Variants in WDR17 observed in about 807,000 individuals in gnomAD.
WDR17 encodes WD repeat-containing protein 17.
Under a neutral mutation model 161.7 loss-of-function variants are expected in WDR17, and 143 were observed. That is an observed-to-expected ratio of 0.88 (90% CI 0.77 to 1.02). The LOEUF is 1.02. WDR17 is among the 50% of genes least tolerant of loss of function. The probability of loss-of-function intolerance (pLI) is 0.00; values close to 1 mark genes in which losing one functional copy is unlikely to be tolerated. For missense variants in WDR17, 1,469 were observed against 1,520.9 expected (o/e 0.97, Z 0.57); for synonymous variants, 517 against 515.6 (o/e 1.00, Z -0.04).
At chr4:176,135,437 A>G (rs1441456075) in intron 8 of WDR17, 161 bp downstream of exon 8, 1 of 799,114 alleles carries the variant, frequency 1.3e-6, no homozygotes, top group Non-Finnish European at 2.0e-6. Flanking sequence ...GCGAGGTTTA[A>G]GAAGAGTCTA....
In WDR17 at chr4:176,150,191, T is replaced by G. The variant is rs994731102; in HGVS notation, c.2178+18T>G. The G allele has an allele frequency of 1.7e-5, 27 of 1,607,722 alleles. No homozygotes were observed. Among genetic ancestry groups the G allele is most frequent in the African/African-American group, 2.7e-5 (2 of 74,700 alleles). On this transcript the variant is annotated intron_variant, in intron 15 of 28. Coordinates refer to ENST00000508596, the MANE Select transcript of WDR17 (RefSeq NM_181265.4). Reference sequence around the variant, plus strand: ...GTTTATCTGTAAGTATTACAGGAATTAAATGCGAATATTTTCCCTTTAGCC... The same window carrying G: ...GTTTATCTGTAAGTATTACAGGAATGAAATGCGAATATTTTCCCTTTAGCC...
rs567295646 is a variant in WDR17, at chr4:176,085,275, T to C, written c.-7+19196T>C. Among the ~76,000 whole-genome samples, 307 of 152,252 alleles carry C rather than the reference T, an allele frequency of 2.0e-3. 1 individual carries two copies. Among genetic ancestry groups the C allele is most frequent in the Middle Eastern group, 0.014 (4 of 294 alleles). On this transcript the variant is annotated intron_variant, in intron 1 of 28. Coordinates refer to ENST00000508596, the MANE Select transcript of WDR17 (RefSeq NM_181265.4). ...TTGTTTAAGATTTTTATGTTTAATT[T>C]ATGAGAGACATTGCTGTGTAGTTCC...
rs1005217082 is a variant in WDR17, at chr4:176,147,097, C to T, written c.1694+938C>T. Among the ~76,000 whole-genome samples the T allele has an allele frequency of 2.6e-5, 4 of 152,196 alleles. No individual in the cohort carries two copies. In the South Asian group the frequency reaches 8.3e-4, roughly 32 times the overall value. ...GGCCAGGATGGTCTCGATCTCTTGACCTCATGATCCGCCCGTCTCAGCCTC... is the reference window on the plus strand; with the variant it reads ...GGCCAGGATGGTCTCGATCTCTTGATCTCATGATCCGCCCGTCTCAGCCTC... On this transcript the variant is annotated intron_variant, in intron 12 of 28. Coordinates refer to ENST00000508596, the MANE Select transcript of WDR17 (RefSeq NM_181265.4).
intron 5 of WDR17, among the ~76,000 whole-genome samples, chr4:176,127,954 G>GTT (rs1742726876): frequency 1.3e-5 from 2 of 152,020 alleles, no homozygotes; most frequent in African/African-American, 4.8e-5. Context: ...AGTTTTCAAG[G>GTT]TTCATCCATG....
chr4:176,174,702 C>T lies in WDR17; in HGVS notation c.3433C>T (p.Leu1145Phe). 6.2e-7 allele frequency: 1 copy of T among 1,608,674 alleles called. No homozygotes were observed. The highest frequency in any genetic ancestry group is 8.5e-7 in the Non-Finnish European group (1 of 1,176,612). The change falls in exon 26 of 29, where the codon CTT becomes TTT. Residue 1145 changes from leucine (L) to phenylalanine (F), a missense_variant. By Grantham distance (22) the Leu-to-Phe change is conservative (BLOSUM62 0). Transcript: ENST00000508596. ...RRQYQSIVPA[L>F]YEYTSQLLKR... Reference sequence around the variant, plus strand: ...ACAGTACCAAAGCATTGTTCCAGCACTTTATGAGTACACAAGGTAAAAAAG... The same window carrying T: ...ACAGTACCAAAGCATTGTTCCAGCATTTTATGAGTACACAAGGTAAAAAAG...
In WDR17 at chr4:176,128,929, T is replaced by C. The variant is rs1316906172; in HGVS notation, c.913+69T>C. The C allele has an allele frequency of 3.7e-6, 5 of 1,353,064 alleles. No homozygotes were observed. In the Admixed American group the frequency reaches 8.9e-5, roughly 24 times the overall value. The allele number at this position is 1,353,064 out of a possible 1,614,324, so 83.8% of individuals were successfully genotyped here. On this transcript the variant is annotated intron_variant, in intron 6 of 28. Transcript: ENST00000508596. Reference sequence around the variant, plus strand: ...GTGTTTTCTATCAAATAAAATGGTATAGTGAGATATCAAATACTATATGCC... The same window carrying C: ...GTGTTTTCTATCAAATAAAATGGTACAGTGAGATATCAAATACTATATGCC...
At chr4:176,172,193 T>G (rs941455227) in intron 23 of WDR17, 182 bp from the exon 24 acceptor site, 1 of 563,196 alleles carries the variant, frequency 1.8e-6, no homozygotes, top group Non-Finnish European at 3.0e-6. Context: ...CTTACTGTTT[T>G]TAGATCTTAA....
chr4:176,109,050 A>C (rs1402167178), intron 1 of WDR17, among the ~76,000 whole-genome samples: 4 of 152,182 alleles, frequency 2.6e-5, no homozygotes, highest in Admixed American at 6.5e-5. Context: ...TTGGCCTCCC[A>C]AAGTGCTGGG....
At chr4:176,175,584 GTCTC>G (rs1377855301) in intron 26 of WDR17, among the ~76,000 whole-genome samples, 4 of 151,666 alleles carry the variant, frequency 2.6e-5, no homozygotes, top group African/African-American at 4.8e-5. Flanking sequence ...TTGAGATGGA[GTCTC>G]TCTCTGTCTC....
At chr4:176,097,506 T>A (rs1167156915) in intron 1 of WDR17, among the ~76,000 whole-genome samples, 1 of 151,896 alleles carries the variant, frequency 6.6e-6, no homozygotes, top group East Asian at 1.9e-4. Flanking sequence ...TTCAGATACT[T>A]TTTTTGTAAG....
At chr4:176,135,662 A>G (rs1744285407) in intron 8 of WDR17, among the ~76,000 whole-genome samples, 1 of 151,620 alleles carries the variant, frequency 6.6e-6, no homozygotes, top group South Asian at 2.1e-4. Context: ...TTCACTTGTA[A>G]CCATGTAATT....
At chr4:176,137,003 T>C (rs569574432) in intron 8 of WDR17, among the ~76,000 whole-genome samples, 15 of 151,772 alleles carry the variant, frequency 9.9e-5, no homozygotes, top group Admixed American at 4.6e-4. Context: ...ACAAATTTTT[T>C]TATTTCTTAA....
chr4:176,080,387 C>T (rs1449897145), intron 1 of WDR17, among the ~76,000 whole-genome samples: 2 of 149,568 alleles, frequency 1.3e-5, no homozygotes, highest in Non-Finnish European at 3.0e-5. Flanking sequence ...AGGACTGATC[C>T]CTAGGACGTT....
chr4:176,074,561 G>C (rs977961132), intron 1 of WDR17, among the ~76,000 whole-genome samples: 28 of 151,696 alleles, frequency 1.8e-4, no homozygotes, highest in Admixed American at 7.2e-4. Context: ...GGTTCACGTG[G>C]TCCTCACACC....
intron 1 of WDR17, among the ~76,000 whole-genome samples, chr4:176,082,133 A>G (rs998894337): frequency 6.6e-6 from 1 of 151,880 alleles, no homozygotes; most frequent in Non-Finnish European, 1.5e-5. Context: ...GATTTATACT[A>G]TTTGCCAAAA....
At chr4:176,085,237 T>A (rs1180368844) in intron 1 of WDR17, among the ~76,000 whole-genome samples, 1 of 152,160 alleles carries the variant, frequency 6.6e-6, no homozygotes, top group Non-Finnish European at 1.5e-5. Context: ...TAACTCCATG[T>A]ATCTTTACTT....
At chr4:176,133,980 A>G (rs1743972868) in intron 7 of WDR17, among the ~76,000 whole-genome samples, 1 of 151,766 alleles carries the variant, frequency 6.6e-6, no homozygotes, top group Non-Finnish European at 1.5e-5. Context: ...ATTTTAAGGC[A>G]TAGCAGTGAA....
intron 7 of WDR17, among the ~76,000 whole-genome samples, chr4:176,133,476 T>G (rs1422433757): frequency 1.3e-5 from 2 of 150,586 alleles, no homozygotes; most frequent in South Asian, 4.2e-4. Context: ...TATTAAAGTA[T>G]GTTTTACTTA....
At chr4:176,155,990 T>C in intron 17 of WDR17, 89 bp from the exon 18 acceptor site, 1 of 1,185,960 alleles carries the variant, frequency 8.4e-7, no homozygotes, top group Non-Finnish European at 1.2e-6. Context: ...TACTATATTA[T>C]AAATACCAAT....
Sources: gnomAD v4.1 joint callset for allele counts (sites outside exome capture counted in the v4.1 genomes callset) on GRCh38, gnomAD v4.1.1 for gene constraint, MANE v1.5 for transcripts, NCBI Gene and HGNC (gene_info 2026-07-23, HGNC 2026-07-21) for gene names.